TAPT1: variants seen among roughly 807,000 people sequenced by gnomAD.
TAPT1 encodes the protein transmembrane anterior posterior transformation 1, also known as transmembrane anterior posterior transformation protein 1 homolog.
A neutral mutation model predicts 65.6 loss-of-function variants in TAPT1; 28 were observed. That is an observed-to-expected ratio of 0.43 (90% CI 0.32 to 0.59). TAPT1 has a LOEUF of 0.59. TAPT1 is among the 20% of genes least tolerant of loss of function. The pLI is 0.09. For synonymous variants in TAPT1, 278 were observed against 245.2 expected, an observed-to-expected ratio of 1.13 and a Z score of -1.25; for missense variants, 563 against 679.9, an observed-to-expected ratio of 0.83 and a Z score of 1.91.
intron 8 of TAPT1, among the ~76,000 whole-genome samples, chr4:16,177,045 T>C (rs1748377871): frequency 6.6e-6 from 1 of 152,202 alleles, no homozygotes; most frequent in East Asian, 1.9e-4. Context: ...CATTTAAATG[T>C]CTATTCAAAT....
chr4:16,169,511 AAG>A (rs889844560), intron 12 of TAPT1, among the ~76,000 whole-genome samples: 13 of 152,380 alleles, frequency 8.5e-5, no homozygotes, highest in African/African-American at 3.1e-4. Context: ...AAAAAATGAA[AAG>A]AGTTACATTA....
intron 12 of TAPT1, among the ~76,000 whole-genome samples, chr4:16,167,964 A>AT (rs1491348357): frequency 6.6e-6 from 1 of 152,196 alleles, no homozygotes; most frequent in Non-Finnish European, 1.5e-5. Context: ...TTTCCTTAGG[A>AT]TACCTAGATA....
At chr4:16,175,618 GA>G (rs1442307042) in intron 9 of TAPT1, among the ~76,000 whole-genome samples, 6 of 152,066 alleles carry the variant, frequency 3.9e-5, no homozygotes, top group Non-Finnish European at 7.4e-5. Flanking sequence ...TCTATTTCTA[GA>G]AATTATCCAG....
intron 12 of TAPT1, among the ~76,000 whole-genome samples, chr4:16,170,084 A>G (rs1238420102): frequency 1.3e-5 from 2 of 152,218 alleles, no homozygotes; most frequent in African/African-American, 4.8e-5. Context: ...AAAAGTAACA[A>G]TGGCAAAATC....
intron 13 of TAPT1, 88 bp from the exon 14 acceptor site, chr4:16,163,625 A>G: frequency 9.5e-7 from 1 of 1,051,830 alleles, no homozygotes; most frequent in Non-Finnish European, 1.4e-6. Flanking sequence ...GGTGCTGAAA[A>G]AAGTGCCCAT....
At chr4:16,169,262 C>T (rs1747835801) in intron 12 of TAPT1, among the ~76,000 whole-genome samples, 2 of 152,168 alleles carry the variant, frequency 1.3e-5, no homozygotes, top group Admixed American at 1.3e-4. Flanking sequence ...AAAGCACATA[C>T]CCCTGGATGA....
chr4:16,214,154 A>G (rs1199474039), intron 1 of TAPT1, among the ~76,000 whole-genome samples: 1 of 152,214 alleles, frequency 6.6e-6, no homozygotes, highest in Non-Finnish European at 1.5e-5. Context: ...TCAGAAAAGT[A>G]TTTTTCAAGA....
rs1423439268 is a variant in TAPT1 at position 16,162,861 on chromosome 4, G to A, written c.*447C>T. The A allele has an allele frequency of 2.8e-6, 1 of 356,898 alleles. No homozygotes were observed. Among genetic ancestry groups the A allele is most frequent in the Non-Finnish European group, 5.8e-6 (1 of 172,378 alleles). 22.1% of individuals were successfully genotyped at this position (356,898 alleles called of 1,614,324 possible). The stretch of plus-strand genomic sequence containing the variant: ...TTTTTTTAATGCTTTGGCAGATGAA[G>A]TAACGTTTGAAAACTGTTTGTGAAA... On this transcript the variant is annotated 3_prime_UTR_variant, in exon 14 of 14. Transcript: ENST00000405303.
chr4:16,201,980 G>C lies in TAPT1; in HGVS notation c.449+482C>G, dbSNP rs78238621. On this transcript the variant is annotated intron_variant, in intron 3 of 13. Transcript: ENST00000405303. ...GTCTCGTCCATAACCAGTAACTAAG[G>C]CTCCACAGATCATTACAATGATTCT... Among the ~76,000 whole-genome samples the C allele has an allele frequency of 6.2e-3, 947 of 152,232 alleles. 11 individuals are homozygous for C. Among genetic ancestry groups the C allele is most frequent in the African/African-American group, 0.021 (886 of 41,530 alleles).
chr4:16,164,197 T>A (rs770712621), intron 13 of TAPT1, among the ~76,000 whole-genome samples: 15 of 152,156 alleles, frequency 9.9e-5, no homozygotes, highest in Admixed American at 7.2e-4. Context: ...TTAAAATGTA[T>A]AATCTGATGA....
At chr4:16,174,917 C>A in intron 9 of TAPT1, 188 bp from the exon 10 acceptor site, 2 of 459,244 alleles carry the variant, frequency 4.4e-6, no homozygotes, top group Non-Finnish European at 7.7e-6. Flanking sequence ...TCAATTCCAC[C>A]GAACTGTTAA....
At chr4:16,197,280 T>C (rs920227516) in intron 3 of TAPT1, among the ~76,000 whole-genome samples, 1 of 152,234 alleles carries the variant, frequency 6.6e-6, no homozygotes. Flanking sequence ...ACACATATTT[T>C]AGTTGCTCTA....
At chr4:16,194,250 T>C (rs1364810836) in intron 3 of TAPT1, among the ~76,000 whole-genome samples, 3 of 152,220 alleles carry the variant, frequency 2.0e-5, no homozygotes, top group Non-Finnish European at 4.4e-5. Flanking sequence ...AATGCTACAA[T>C]TCAGTTACTA....
chr4:16,181,326 G>A (rs1748694887), intron 7 of TAPT1, among the ~76,000 whole-genome samples: 1 of 152,114 alleles, frequency 6.6e-6, no homozygotes, highest in Non-Finnish European at 1.5e-5. Flanking sequence ...GTATAATATA[G>A]ACTTGCTTCA....
rs1747223646 is a variant in TAPT1, at chr4:16,161,180, T to C, written c.*2128A>G. On this transcript the variant is annotated 3_prime_UTR_variant, in exon 14 of 14. Transcript: ENST00000405303. ...GCCACCATTAAGACCAAAGCAATAA[T>C]TCAAATTAAGATAGCTCTATCACTT... The C allele has an allele frequency of 6.6e-6, 1 of 152,640 alleles. No individual in the cohort carries two copies. Among genetic ancestry groups the C allele is most frequent in the Non-Finnish European group, 1.5e-5 (1 of 68,042 alleles). 9.5% of individuals were successfully genotyped at this position (152,640 alleles called of 1,614,324 possible).
rs550426792 is a variant in TAPT1, at chr4:16,164,314, G to A, written c.1475-777C>T. The stretch of plus-strand genomic sequence containing the variant: ...CTCTCCTGCCCTCACCCCCAGAACC[G>A]CTGTCTTTTGTCTCTTTTACAACGT... On this transcript the variant is annotated intron_variant, in intron 13 of 13. Transcript: ENST00000405303. 5.9e-5 allele frequency among the ~76,000 whole-genome samples: 9 copies of A among 152,090 alleles called. No individual in the cohort carries two copies. The South Asian group carries it at 1.9e-3, about 32-fold the overall frequency.
intron 13 of TAPT1, among the ~76,000 whole-genome samples, chr4:16,165,548 C>T (rs1449951822): frequency 2.1e-5 from 3 of 143,570 alleles, no homozygotes; most frequent in East Asian, 2.1e-4. Context: ...CCAGCCTGGG[C>T]GACGGAGCAA....
chr4:16,170,754 C>G, intron 11 of TAPT1, 25 bp from the exon 12 acceptor site: 1 of 1,557,170 alleles, frequency 6.4e-7, no homozygotes, highest in Non-Finnish European at 8.9e-7. Flanking sequence ...ACCAAAACAA[C>G]AAAAACACAC....
At chr4:16,183,414 G>C (rs891121432) in intron 7 of TAPT1, among the ~76,000 whole-genome samples, 1 of 151,600 alleles carries the variant, frequency 6.6e-6, no homozygotes, top group African/African-American at 2.4e-5. Flanking sequence ...TTTTTTCCCA[G>C]AGTTTTCTTA....
Sources: allele counts gnomAD v4.1 joint callset (sites outside exome capture counted in the v4.1 genomes callset), GRCh38; gene constraint gnomAD v4.1.1; transcripts MANE v1.5; gene names NCBI Gene and HGNC (gene_info 2026-07-23, HGNC 2026-07-21).